CACNB4: variants seen among roughly 807,000 people sequenced by gnomAD.
The protein encoded by CACNB4 is voltage-dependent L-type calcium channel subunit beta-4.
Under a neutral mutation model 71.2 loss-of-function variants are expected in CACNB4, and 32 were observed. The ratio of observed to expected loss-of-function variants is 0.45; its 90% CI spans 0.34 to 0.60. The LOEUF is 0.60. Among genes scored for constraint, CACNB4 ranks in the 20% least tolerant of loss-of-function variants. The pLI is 0.01. For missense variants in CACNB4, 464 were observed against 647.9 expected, an observed-to-expected ratio of 0.72 and a Z score of 3.08; for synonymous variants, 231 against 236.9, an observed-to-expected ratio of 0.97 and a Z score of 0.23.
At chr2:151,983,287 C>A (rs1294787956) in intron 2 of CACNB4, among the ~76,000 whole-genome samples, 1 of 152,150 alleles carries the variant, frequency 6.6e-6, no homozygotes, top group Non-Finnish European at 1.5e-5. Context: ...CACCTTTTAG[C>A]CAAGTCCATA....
chr2:151,847,859 C>T (rs1042108471), intron 12 of CACNB4, among the ~76,000 whole-genome samples: 7 of 152,330 alleles, frequency 4.6e-5, no homozygotes, highest in African/African-American at 1.4e-4. Context: ...GCACTCCAAC[C>T]GGGGTGACAA....
At chr2:151,868,367 T>A (rs759112119) in intron 9 of CACNB4, 1 of 152,198 alleles carries the variant, frequency 6.6e-6, no homozygotes, top group African/African-American at 2.4e-5. Flanking sequence ...TTAAATTTCC[T>A]ACATTTCTGA....
Position 151,997,478 on chromosome 2 carries a change from G to A in CACNB4, c.147+100852C>T, listed in dbSNP as rs184307180. On this transcript the variant is annotated intron_variant, in intron 2 of 13. Transcript: ENST00000539935. ...GAACCCAGGAGGCAGAGCTTGCAGTGAGCTGAGATCGCGCCACTGCACTCC... is the reference window on the plus strand; with the variant it reads ...GAACCCAGGAGGCAGAGCTTGCAGTAAGCTGAGATCGCGCCACTGCACTCC... Among the ~76,000 whole-genome samples the A allele has an allele frequency of 2.4e-4, 36 of 152,172 alleles. No individual in the cohort carries two copies. The East Asian group carries it at 6.2e-3, about 26-fold the overall frequency.
intron 2 of CACNB4, among the ~76,000 whole-genome samples, chr2:151,981,599 A>G (rs1475008305): frequency 6.6e-6 from 1 of 152,194 alleles, no homozygotes; most frequent in Non-Finnish European, 1.5e-5. Flanking sequence ...TATTTTCCTC[A>G]GAACATATTT....
At chr2:151,951,844 G>C (rs750405739) in intron 2 of CACNB4, among the ~76,000 whole-genome samples, 1 of 152,174 alleles carries the variant, frequency 6.6e-6, no homozygotes, top group Non-Finnish European at 1.5e-5. Context: ...GGCTTTCTGA[G>C]AGAACTTTCT....
At chr2:151,897,801 T>A (rs910316433) in intron 2 of CACNB4, among the ~76,000 whole-genome samples, 4 of 152,196 alleles carry the variant, frequency 2.6e-5, no homozygotes, top group Non-Finnish European at 5.9e-5. Flanking sequence ...AAAGTGAGTA[T>A]AATAACCTAA....
chr2:151,993,350 A>G (rs1309382386), intron 2 of CACNB4, among the ~76,000 whole-genome samples: 1 of 152,140 alleles, frequency 6.6e-6, no homozygotes, highest in East Asian at 1.9e-4. Context: ...CCTGGGGCCC[A>G]GGAGAAATGA....
intron 2 of CACNB4, among the ~76,000 whole-genome samples, chr2:151,935,383 T>C (rs971532045): frequency 6.6e-6 from 1 of 152,256 alleles, no homozygotes; most frequent in Non-Finnish European, 1.5e-5. Flanking sequence ...AAAGGATTTC[T>C]TGAGTAAAAG....
At chr2:151,994,962 T>C (rs1681956206) in intron 2 of CACNB4, among the ~76,000 whole-genome samples, 1 of 152,178 alleles carries the variant, frequency 6.6e-6, no homozygotes, top group Admixed American at 6.5e-5. Context: ...ATAATTTTTG[T>C]TCCCAAGTGA....
At chr2:151,890,834 G>A (rs2099850555) in intron 2 of CACNB4, among the ~76,000 whole-genome samples, 1 of 152,100 alleles carries the variant, frequency 6.6e-6, no homozygotes, top group Non-Finnish European at 1.5e-5. Context: ...CAAGGTTTTG[G>A]TTTGTGAATT....
chr2:152,096,672 T>C (rs1287953899), intron 2 of CACNB4, among the ~76,000 whole-genome samples: 3 of 152,230 alleles, frequency 2.0e-5, no homozygotes, highest in Non-Finnish European at 4.4e-5. Flanking sequence ...TTATTTAGCA[T>C]GCAATACTTT....
intron 12 of CACNB4, among the ~76,000 whole-genome samples, chr2:151,849,087 C>A (rs986579536): frequency 3.3e-5 from 5 of 152,126 alleles, no homozygotes; most frequent in African/African-American, 1.2e-4. Flanking sequence ...TCTGTGAATT[C>A]CGAATGGGCA....
chr2:151,886,010 GTC>G (rs1375712779), intron 2 of CACNB4, among the ~76,000 whole-genome samples: 1 of 152,048 alleles, frequency 6.6e-6, no homozygotes, highest in African/African-American at 2.4e-5. Flanking sequence ...AGAGGGCCTT[GTC>G]ATGTTGCCCA....
At chr2:151,957,257 C>CGTGTATGTGTATGTGTGTGTGT (rs3068823) in intron 2 of CACNB4, among the ~76,000 whole-genome samples, 2 of 131,788 alleles carry the variant, frequency 1.5e-5, no homozygotes, top group Non-Finnish European at 3.2e-5. Flanking sequence ...AGTGGCTGGG[C>CGTGTATGTGTATGTGTGTGTGT]GTGTGTGTGT....
chr2:151,957,258 G>GTGTATGTGTA (rs752475672), intron 2 of CACNB4, among the ~76,000 whole-genome samples: 42 of 6,434 alleles, frequency 6.5e-3, no homozygotes, highest in Admixed American at 0.015. Flanking sequence ...GTGGCTGGGC[G>GTGTATGTGTA]TGTGTGTGTG....
intron 12 of CACNB4, among the ~76,000 whole-genome samples, chr2:151,842,320 CTTTTTTTTTTTTTTTTT>C (rs35662354): frequency 1.5e-5 from 1 of 67,708 alleles, no homozygotes; most frequent in African/African-American, 7.2e-5. Context: ...ATATTTGGAT[CTTTTTTTTTTTTTTTTT>C]TTTTTTTTTT....
chr2:152,098,591 G>A lies in CACNB4; in HGVS notation c.64-178C>T. The A allele has an allele frequency of 1.5e-5, 8 of 524,494 alleles. No individual in the cohort carries two copies. The highest frequency in any genetic ancestry group is 2.9e-5 in the Non-Finnish European group (8 of 272,462). The allele number at this position is 524,494 out of a possible 1,614,324, so 32.5% of individuals were successfully genotyped here. ...CCCCACCCCCACCCACCCACTGCAA[G>A]CCTCGACTGCTGAAAAGATGCTCGA... On this transcript the variant is annotated intron_variant, in intron 1 of 13. Coordinates refer to ENST00000539935, the MANE Select transcript of CACNB4 (RefSeq NM_000726.5). This position sits in a 1 kb window ranked among gnomAD's most constrained non-coding sequence, Gnocchi z 5.3.
intron 2 of CACNB4, among the ~76,000 whole-genome samples, chr2:152,042,332 C>T (rs1408922318): frequency 1.3e-5 from 2 of 152,172 alleles, no homozygotes; most frequent in African/African-American, 4.8e-5. Flanking sequence ...CTGCTCCCTC[C>T]CCAGGTCTGG....
At chr2:151,957,607 C>T (rs953503229) in intron 2 of CACNB4, among the ~76,000 whole-genome samples, 1 of 152,040 alleles carries the variant, frequency 6.6e-6, no homozygotes. Flanking sequence ...TCGAGCTGAC[C>T]AAGACAATAA....
Sources: allele counts gnomAD v4.1 joint callset (sites outside exome capture counted in the v4.1 genomes callset), GRCh38; gene constraint gnomAD v4.1.1; non-coding constraint Gnocchi (gnomAD v3.1); transcripts MANE v1.5; gene names NCBI Gene and HGNC (gene_info 2026-07-23, HGNC 2026-07-21).